The following ZBTB20 variants were observed in gnomAD, a reference collection of about 807,000 sequenced individuals.
ZBTB20 encodes zinc finger and BTB domain-containing protein 20.
In ZBTB20, 9 loss-of-function variants were observed where a neutral mutation model predicts 56.9. The observed-to-expected ratio is 0.16, with a 90% CI of 0.10 to 0.28. ZBTB20 has a LOEUF of 0.28. Among genes scored for constraint, ZBTB20 ranks in the 10% least tolerant of loss-of-function variants. The probability of loss-of-function intolerance (pLI) is 1.00; values close to 1 mark genes in which losing one functional copy is unlikely to be tolerated. For synonymous variants in ZBTB20, 417 were observed against 420.7 expected, an observed-to-expected ratio of 0.99 and a Z score of 0.11; for missense variants, 655 against 1,003.0, an observed-to-expected ratio of 0.65 and a Z score of 4.69.
intron 4 of ZBTB20, among the ~76,000 whole-genome samples, chr3:114,802,384 G>C (rs2071782273): frequency 6.6e-6 from 1 of 151,640 alleles, no homozygotes; most frequent in Non-Finnish European, 1.5e-5. Context: ...AATGTATAGA[G>C]GAATATTTTG....
chr3:115,117,639 ACT>A (rs928098456), intron 1 of ZBTB20, among the ~76,000 whole-genome samples: 8 of 150,806 alleles, frequency 5.3e-5, no homozygotes, highest in South Asian at 2.1e-4. Flanking sequence ...GTTCTCCACA[ACT>A]CTTTTTTTTT....
Position 114,790,412 on chromosome 3 carries a change from C to A in ZBTB20, c.-343+10689G>T, listed in dbSNP as rs560462408. 1.4e-4 allele frequency among the ~76,000 whole-genome samples: 21 copies of A among 152,042 alleles called. No individual in the cohort carries two copies. The Middle Eastern group carries it at 0.014, about 99-fold the overall frequency. On this transcript the variant is annotated intron_variant, in intron 5 of 11. Coordinates refer to ENST00000675478, the MANE Select transcript of ZBTB20 (RefSeq NM_001348800.3). ...CTTTCTTCATGTTCATATAAACATACGCAACATATTTATTCATAAATACTC... is the reference window on the plus strand; with the variant it reads ...CTTTCTTCATGTTCATATAAACATAAGCAACATATTTATTCATAAATACTC...
intron 7 of ZBTB20, among the ~76,000 whole-genome samples, chr3:114,458,376 G>A (rs1057254596): frequency 6.6e-6 from 1 of 152,106 alleles, no homozygotes; most frequent in East Asian, 1.9e-4. Flanking sequence ...AATGATCAGT[G>A]TATAGTAGCT....
intron 3 of ZBTB20, among the ~76,000 whole-genome samples, chr3:114,937,002 C>A (rs1447289769): frequency 1.3e-5 from 2 of 152,212 alleles, no homozygotes; most frequent in African/African-American, 4.8e-5. Context: ...GATCTGCATG[C>A]AGGAAAGTCC....
intron 1 of ZBTB20, among the ~76,000 whole-genome samples, chr3:115,137,403 T>TTAC (rs1434711825): frequency 6.6e-6 from 1 of 152,054 alleles, no homozygotes; most frequent in African/African-American, 2.4e-5. Context: ...ACTTTAAAGG[T>TTAC]TACTATAATT....
intron 6 of ZBTB20, among the ~76,000 whole-genome samples, chr3:114,674,977 C>T (rs893142703): frequency 1.3e-5 from 2 of 150,744 alleles, no homozygotes; most frequent in Admixed American, 1.3e-4. Flanking sequence ...GCTGAGGTCT[C>T]TAGTAGAGAG....
At chr3:114,424,490 A>G (rs1275237918) in intron 7 of ZBTB20, among the ~76,000 whole-genome samples, 1 of 152,226 alleles carries the variant, frequency 6.6e-6, no homozygotes, top group Non-Finnish European at 1.5e-5. Flanking sequence ...TGCACGCCAA[A>G]AAGAAGGAGA....
intron 5 of ZBTB20, among the ~76,000 whole-genome samples, chr3:114,766,489 ATGTGTG>A (rs71297433): frequency 0.016 from 2,184 of 139,060 alleles, 55 homozygotes; most frequent in African/African-American, 0.051. Context: ...TGGGATGGAA[ATGTGTG>A]TGTGTGTGTG....
intron 2 of ZBTB20, among the ~76,000 whole-genome samples, chr3:115,063,539 C>T (rs754080519): frequency 2.1e-4 from 32 of 152,126 alleles, no homozygotes; most frequent in South Asian, 8.3e-4. Flanking sequence ...AATGCCATCA[C>T]ATTAAAGATT....
chr3:114,708,155 A>G (rs2063832124), intron 5 of ZBTB20, among the ~76,000 whole-genome samples: 1 of 152,228 alleles, frequency 6.6e-6, no homozygotes, highest in African/African-American at 2.4e-5. Context: ...CTCACTGTCA[A>G]TTTATATTCT....
At chr3:115,046,983 TAC>T (rs1165603522) in intron 2 of ZBTB20, among the ~76,000 whole-genome samples, 1 of 152,170 alleles carries the variant, frequency 6.6e-6, no homozygotes, top group Non-Finnish European at 1.5e-5. Flanking sequence ...TGCTACCACA[TAC>T]GTTAGATGGT....
Position 115,087,735 on chromosome 3 carries a change from T to C in ZBTB20, c.-702-16321A>G, listed in dbSNP as rs1031777698. Among the ~76,000 whole-genome samples, 3 of 151,920 alleles carry C rather than the reference T, an allele frequency of 2.0e-5. No homozygotes were observed. The Admixed American group carries it at 2.0e-4, about 10-fold the overall frequency. On this transcript the variant is annotated intron_variant, in intron 1 of 11. Transcript: ENST00000675478. ...AATCTGTGATGCAAGGGTAATATAG[T>C]TTCAGGCACCAACTGCTTCCTGCAT... is the stretch of plus-strand genomic sequence containing the variant.
rs2108037299 is a variant in ZBTB20 at position 114,329,828 on chromosome 3, A to G, written c.*9177T>C. The G allele has an allele frequency of 1.3e-5, 2 of 152,294 alleles. 1 individual carries two copies. The highest frequency in any genetic ancestry group is 4.1e-4 in the South Asian group (2 of 4,828). The allele number at this position is 152,294 out of a possible 1,614,324, so 9.4% of individuals were successfully genotyped here. ...AAATAATTCTAAGCGTATTGAAAAA[A>G]GAAAGTGTAAAGATCCAGTATTAAA... is the stretch of plus-strand genomic sequence containing the variant. On this transcript the variant is annotated 3_prime_UTR_variant, in exon 12 of 12. Coordinates refer to ENST00000675478, the MANE Select transcript of ZBTB20 (RefSeq NM_001348800.3).
Position 114,380,896 on chromosome 3 carries a change from G to T in ZBTB20, c.-109C>A. The T allele has an allele frequency of 1.0e-6, 1 of 997,592 alleles. No individual in the cohort carries two copies. Among genetic ancestry groups the T allele is most frequent in the Non-Finnish European group, 1.4e-6 (1 of 734,746 alleles). The allele number at this position is 997,592 out of a possible 1,614,324, so 61.8% of individuals were successfully genotyped here. ...AGCTGTGCCTCTAACTTGCTGTGTG[G>T]CCTTGGGCACCTCACTTCACCTCTC... On this transcript the variant is annotated 5_prime_UTR_variant, in exon 9 of 12. Coordinates refer to ENST00000675478, the MANE Select transcript of ZBTB20 (RefSeq NM_001348800.3).
At chr3:114,942,313 G>A (rs539705459) in intron 3 of ZBTB20, among the ~76,000 whole-genome samples, 1 of 145,812 alleles carries the variant, frequency 6.9e-6, no homozygotes, top group African/African-American at 2.8e-5. Context: ...GTTTTGGCTA[G>A]AGAAATTACT....
At chr3:114,612,213 C>T (rs1183317035) in intron 6 of ZBTB20, among the ~76,000 whole-genome samples, 2 of 152,184 alleles carry the variant, frequency 1.3e-5, no homozygotes, top group Non-Finnish European at 2.9e-5. Context: ...ATTAATCAAG[C>T]CTTCTATACT....
intron 6 of ZBTB20, among the ~76,000 whole-genome samples, chr3:114,675,394 C>T (rs530224867): frequency 6.6e-6 from 1 of 152,018 alleles, no homozygotes; most frequent in Admixed American, 6.6e-5. Context: ...ATTACCATTC[C>T]GTTTGTGGAA....
rs1387851024 is a variant in ZBTB20, at chr3:115,137,338, T to C, written c.-703+9881A>G. Reference sequence around the variant, plus strand: ...CAAAGGGTATATGAGTATGTATGTATACATGACAGAAGTACTTGGTTGGAG... The same window carrying C: ...CAAAGGGTATATGAGTATGTATGTACACATGACAGAAGTACTTGGTTGGAG... On this transcript the variant is annotated intron_variant, in intron 1 of 11. Coordinates refer to ENST00000675478, the MANE Select transcript of ZBTB20 (RefSeq NM_001348800.3). Among the ~76,000 whole-genome samples, 3 of 152,102 alleles carry C rather than the reference T, an allele frequency of 2.0e-5. No homozygotes were observed. In the East Asian group the frequency reaches 5.8e-4, roughly 29 times the overall value.
At chr3:114,707,468 C>T (rs1228774703) in intron 5 of ZBTB20, among the ~76,000 whole-genome samples, 1 of 152,192 alleles carries the variant, frequency 6.6e-6, no homozygotes, top group African/African-American at 2.4e-5. Flanking sequence ...ACACTGGCAA[C>T]CTTTCTGATT....
Sources: gnomAD v4.1 joint callset for allele counts (sites outside exome capture counted in the v4.1 genomes callset) on GRCh38, gnomAD v4.1.1 for gene constraint, MANE v1.5 for transcripts, NCBI Gene and HGNC (gene_info 2026-07-23, HGNC 2026-07-21) for gene names.